Variants in PEAR1 observed in about 807,000 individuals in gnomAD.
PEAR1 encodes multiple EGF-like domains protein 12.
In PEAR1, 113 loss-of-function variants were observed where a neutral mutation model predicts 131.2. The ratio of observed to expected loss-of-function variants is 0.86; its 90% CI spans 0.74 to 1.01. The LOEUF is 1.01. Ranked by LOEUF, PEAR1 falls within the 50% of genes least tolerant of loss-of-function variation. The pLI is 0.00. For missense variants in PEAR1, 1,408 were observed against 1,391.1 expected (o/e 1.01, Z -0.19); for synonymous variants, 565 against 523.3 (o/e 1.08, Z -1.09).
At position 156,916,129 on chromosome 1, in the gene PEAR1, G is replaced by T. The variant is rs1341063835; in HGVS notation, c.*1331G>T. ...CTTCACAGGTAGCAGAATTTTTAAA[G>T]AAATTGAAGGTTTTGGGACATATAT... On this transcript the variant is annotated 3_prime_UTR_variant, in exon 23 of 23. Transcript: ENST00000292357. 1 of 152,190 alleles carries T rather than the reference G, an allele frequency of 6.6e-6. No homozygotes were observed. Among genetic ancestry groups the T allele is most frequent in the Non-Finnish European group, 1.5e-5 (1 of 68,052 alleles). The allele number at this position is 152,190 out of a possible 1,614,324, so 9.4% of individuals were successfully genotyped here. A position where few individuals can be genotyped will look rare whatever the true frequency, so the allele number is the denominator to read the frequency against.
chr1:156,910,403 C>T, intron 14 of PEAR1, 23 bp downstream of exon 14: 1 of 1,566,158 alleles, frequency 6.4e-7, no homozygotes, highest in Non-Finnish European at 8.7e-7. Context: ...ACTGCCCCTT[C>T]CACCTGCCAC....
chr1:156,895,801 C>G (rs1051132947), intron 1 of PEAR1, among the ~76,000 whole-genome samples: 1 of 152,232 alleles, frequency 6.6e-6, no homozygotes, highest in Non-Finnish European at 1.5e-5. Context: ...ACTGGAAACA[C>G]CAGGCGAGGT....
At chr1:156,905,981 CCT>C (rs1650259300) in intron 4 of PEAR1, among the ~76,000 whole-genome samples, 1 of 152,172 alleles carries the variant, frequency 6.6e-6, no homozygotes, top group Admixed American at 6.5e-5. Flanking sequence ...CGCCACCTGC[CCT>C]CTCTCTGGAC....
rs989320202 is a variant in PEAR1 at position 156,908,179 on chromosome 1, G to T, written c.954G>T (p.Thr318=). Residue 318 remains threonine, a synonymous_variant, in exon 9 of 23, where the codon ACG becomes ACT. Coordinates refer to ENST00000292357, the MANE Select transcript of PEAR1 (RefSeq NM_001080471.3). The surrounding 1 kb of genome is among the most constrained non-coding windows in gnomAD (Gnocchi z 4.2). ...VGRFGQDCAE[T]CDCAPDARCF... ...GCTTTGGGCAGGACTGTGCTGAGAC[G>T]TGCGACTGCGCCCCGGACGCCCGTT... 3.1e-6 allele frequency: 5 copies of T among 1,603,612 alleles called. No homozygotes were observed. The highest frequency in any genetic ancestry group is 1.1e-5 in the South Asian group (1 of 90,530).
intron 15 of PEAR1, among the ~76,000 whole-genome samples, chr1:156,911,170 C>CTTTT (rs1553269371): frequency 1.0e-5 from 1 of 95,854 alleles, no homozygotes; most frequent in East Asian, 4.1e-4. Flanking sequence ...TTCTTTCTTT[C>CTTTT]CTTTCTTTTC....
In PEAR1 at chr1:156,914,810, G is replaced by A. The variant is rs1023331267; in HGVS notation, c.*12G>A. On this transcript the variant is annotated 3_prime_UTR_variant, in exon 23 of 23. Transcript: ENST00000292357. ...GCCAGGACCGTTGAGGAGCCAGGAT[G>A]GTATGGCAGAGGCCAGCACACCTGG... The A allele has an allele frequency of 6.2e-7, 1 of 1,613,246 alleles. No homozygotes were observed. The highest frequency in any genetic ancestry group is 2.2e-5 in the East Asian group (1 of 44,858).
intron 3 of PEAR1, among the ~76,000 whole-genome samples, 160 bp from the exon 4 acceptor site, chr1:156,905,164 C>A (rs1050850716): frequency 6.6e-6 from 1 of 151,920 alleles, no homozygotes; most frequent in Non-Finnish European, 1.5e-5. Context: ...AGTGCAGTGG[C>A]GAGATCGTAG....
Position 156,912,299 on chromosome 1 carries a change from C to T in PEAR1, c.2004C>T (p.His668=), listed in dbSNP as rs756533486. ...ACTGTGCCCAGACCTGCCAATGTCA[C>T]CATGGTGGGACCTGCCATCCCCAGG... is the stretch of plus-strand genomic sequence containing the variant. ...GENCAQTCQC[H]HGGTCHPQDG... is the part of the protein sequence containing the mutation. Residue 668 remains histidine, a synonymous_variant, in exon 16 of 23, where the codon CAC becomes CAT. Coordinates refer to ENST00000292357, the MANE Select transcript of PEAR1 (RefSeq NM_001080471.3). The T allele has an allele frequency of 2.5e-6, 4 of 1,614,028 alleles. No homozygotes were observed. Among genetic ancestry groups the T allele is most frequent in the East Asian group, 2.2e-5 (1 of 44,878 alleles).
intron 19 of PEAR1, 40 bp from the exon 20 acceptor site, chr1:156,913,351 C>T: frequency 6.2e-7 from 1 of 1,606,700 alleles, no homozygotes; most frequent in Non-Finnish European, 8.5e-7. Context: ...AAAGCCCTGT[C>T]CTTGCCTCTT....
intron 1 of PEAR1, among the ~76,000 whole-genome samples, chr1:156,894,052 G>A (rs1648916968): frequency 6.6e-6 from 1 of 152,224 alleles, no homozygotes. Flanking sequence ...TGGGTTGGGG[G>A]TTCCCTTCCG....
rs542212850 is a variant in PEAR1, at chr1:156,905,085, G to C, written c.206+233G>C. On this transcript the variant is annotated intron_variant, in intron 3 of 22. Coordinates refer to ENST00000292357, the MANE Select transcript of PEAR1 (RefSeq NM_001080471.3). ...TTACAGTATATGCCTGTGGGGTTGG[G>C]GGGGGGGCAAGAAGGGAATGCTCTT... 231 of 1,324,768 alleles carry C rather than the reference G, an allele frequency of 1.7e-4. 3 individuals are homozygous for C. The East Asian group carries it at 3.2e-3, about 18-fold the overall frequency. 82.1% of individuals were successfully genotyped at this position (1,324,768 alleles called of 1,614,324 possible).
rs200524568 is a variant in PEAR1, at chr1:156,911,136, TTTC to T, written c.1951+396_1951+398del. On this transcript the variant is annotated intron_variant, in intron 15 of 22. Transcript: ENST00000292357. Reference sequence around the variant, plus strand: ...CTTTCTTCTTTCTTTCTTTCCTTTCTTTCTTTTCTTTCTTTCTTTTTCTTTCTT... The same window carrying T: ...CTTTCTTCTTTCTTTCTTTCCTTTCTTTTTCTTTCTTTCTTTTTCTTTCTT... 5.9e-4 allele frequency among the ~76,000 whole-genome samples: 88 copies of T among 149,516 alleles called. 6 individuals are homozygous for T. The highest frequency in any genetic ancestry group is 1.9e-3 in the African/African-American group (78 of 40,030).
In PEAR1 at chr1:156,915,501, T is replaced by C. The variant is rs962732229; in HGVS notation, c.*703T>C. ...GCCTCTAGGTCCTCCTGTAGGCCAC[T>C]CTTCTTTCTGGCACAGGGACCTGCA... On this transcript the variant is annotated 3_prime_UTR_variant, in exon 23 of 23. Coordinates refer to ENST00000292357, the MANE Select transcript of PEAR1 (RefSeq NM_001080471.3). The C allele has an allele frequency of 6.6e-6, 1 of 152,296 alleles. No individual in the cohort carries two copies. Among genetic ancestry groups the C allele is most frequent in the African/African-American group, 2.4e-5 (1 of 41,444 alleles). 9.4% of individuals were successfully genotyped at this position (152,296 alleles called of 1,614,324 possible). A position where few individuals can be genotyped will look rare whatever the true frequency, so the allele number is the denominator to read the frequency against.
At chr1:156,909,957 T>C (rs917947957) in intron 12 of PEAR1, 43 bp downstream of exon 12, 7 of 1,612,264 alleles carry the variant, frequency 4.3e-6, no homozygotes, top group Non-Finnish European at 5.9e-6. Context: ...GGGGAGGGCA[T>C]GGCGTCCCCC....
chr1:156,913,695 G>A lies in PEAR1; in HGVS notation c.2648G>A (p.Ser883Asn), dbSNP rs1408779444. The change falls in exon 21 of 23, where the codon AGC becomes AAC. Residue 883 changes from serine (S) to asparagine (N), a missense_variant. Physicochemically the swap from Ser to Asn is conservative, Grantham distance 46 (BLOSUM62 1). Coordinates refer to ENST00000292357, the MANE Select transcript of PEAR1 (RefSeq NM_001080471.3). ...EPPPGPLDRGSSRLDRSYSYS... is the reference protein window; with the variant it reads ...EPPPGPLDRGNSRLDRSYSYS... The stretch of plus-strand genomic sequence containing the variant: ...CCAGTTGCCTCCTCCTCCTCAGGGA[G>A]CAGCCGCCTGGACCGAAGCTACAGC... 6.2e-7 allele frequency: 1 copy of A among 1,613,822 alleles called. No homozygotes were observed. Among genetic ancestry groups the A allele is most frequent in the South Asian group, 1.1e-5 (1 of 91,026 alleles).
In PEAR1 at chr1:156,908,031, T is replaced by G; in HGVS notation, c.882T>G (p.Ala294=). Residue 294 remains alanine (A), a synonymous_variant, in exon 8 of 23, where the codon GCT becomes GCG. Transcript: ENST00000292357. This position sits in a 1 kb window ranked among gnomAD's most constrained non-coding sequence, Gnocchi z 4.2. The part of the protein sequence containing the change: ...CDRFTGQCRC[A]PGYTGDRCRE... ...GATTCACTGGGCAGTGCCGCTGCGC[T>G]CCGGGTTACACTGGGGATCGGTGAG... 6.7e-7 allele frequency: 1 copy of G among 1,486,410 alleles called. No homozygotes were observed. The highest frequency in any genetic ancestry group is 9.1e-7 in the Non-Finnish European group (1 of 1,101,490). 92.1% of individuals were successfully genotyped at this position (1,486,410 alleles called of 1,614,324 possible).
chr1:156,905,883 C>T (rs192596770), intron 4 of PEAR1, among the ~76,000 whole-genome samples: 31 of 152,242 alleles, frequency 2.0e-4, no homozygotes, highest in Non-Finnish European at 3.4e-4. Context: ...CCTGTAATGA[C>T]TGGAGCCTGT....
At chr1:156,899,823 G>A (rs894077209) in intron 1 of PEAR1, among the ~76,000 whole-genome samples, 1 of 151,890 alleles carries the variant, frequency 6.6e-6, no homozygotes, top group Non-Finnish European at 1.5e-5. Context: ...TTGGGCAGGG[G>A]TTGGGGGTGC....
intron 1 of PEAR1, among the ~76,000 whole-genome samples, chr1:156,894,298 G>A (rs1648942269): frequency 6.6e-6 from 1 of 152,196 alleles, no homozygotes; most frequent in African/African-American, 2.4e-5. Flanking sequence ...TGGGGTCTTG[G>A]TCAAGAGGCC....
Sources: gnomAD v4.1 joint callset for allele counts (sites outside exome capture counted in the v4.1 genomes callset) on GRCh38, gnomAD v4.1.1 for gene constraint, Gnocchi (gnomAD v3.1) non-coding constraint, MANE v1.5 for transcripts, NCBI Gene and HGNC (gene_info 2026-07-23, HGNC 2026-07-21) for gene names.